The following CLDN14 variants were observed in gnomAD, a reference collection of about 807,000 sequenced individuals.
The protein encoded by CLDN14 is claudin-14.
In CLDN14, 2 loss-of-function variants were observed where a neutral mutation model predicts 2.1. That is an observed-to-expected ratio of 0.96 (90% CI 0.39 to 3.01). CLDN14 has a LOEUF of 3.01. Ranked by LOEUF, CLDN14 falls within the 30% of genes most tolerant of loss-of-function variation. CLDN14 has a pLI of 0.09. For missense variants in CLDN14, 298 were observed against 328.0 expected (o/e 0.91, Z 0.71); for synonymous variants, 136 against 154.4 (o/e 0.88, Z 0.88).
At chr21:36,489,131 A>AAATATATATATATATATATAT in intron 2 of CLDN14, among the ~76,000 whole-genome samples, 5 of 62,750 alleles carry the variant, frequency 8.0e-5, no homozygotes, top group African/African-American at 1.2e-4. Context: ...AAAAAAAAAA[A>AAATATATATATATATATATAT]ATATATATAT....
At chr21:36,513,512 G>C (rs1381750969) in intron 1 of CLDN14, among the ~76,000 whole-genome samples, 1 of 152,186 alleles carries the variant, frequency 6.6e-6, no homozygotes, top group Non-Finnish European at 1.5e-5. Context: ...TTTTGTTAAA[G>C]CCAGCTGAGG....
intron 1 of CLDN14, among the ~76,000 whole-genome samples, chr21:36,478,923 TCTC>T (rs1003862321): frequency 6.6e-6 from 1 of 152,114 alleles, no homozygotes; most frequent in Non-Finnish European, 1.5e-5. Context: ...GCATGGCATT[TCTC>T]CTCTTCAGCA....
In CLDN14 at chr21:36,562,697, C is replaced by CT. The variant is rs3030097; in HGVS notation, c.-220+13713dup. On this transcript the variant is annotated intron_variant, in intron 1 of 2. Coordinates refer to the CLDN14 transcript ENST00000342108. ...CAAAGGATCCCCTATCCATTCTGTG[C>CT]TTTTTTTTTTTTTTCATGAGCAAAT... Among the ~76,000 whole-genome samples, 429 of 147,388 alleles carry CT rather than the reference C, an allele frequency of 2.9e-3. 2 individuals carry two copies. The highest frequency in any genetic ancestry group is 9.7e-3 in the African/African-American group (385 of 39,894).
At chr21:36,493,990 A>G (rs1025969055) in intron 2 of CLDN14, among the ~76,000 whole-genome samples, 2 of 152,110 alleles carry the variant, frequency 1.3e-5, no homozygotes, top group East Asian at 1.9e-4. Flanking sequence ...ATCCCACTAG[A>G]TCTTGGGGGG....
chr21:36,554,035 C>G (rs1397634988), intron 1 of CLDN14, among the ~76,000 whole-genome samples: 1 of 152,136 alleles, frequency 6.6e-6, no homozygotes, highest in East Asian at 1.9e-4. Context: ...AAGCCCGGGT[C>G]TGGGGGTAAC....
rs187243864 is a variant in CLDN14 at position 36,499,192 on chromosome 21, G to A, written c.-82+11171C>T. Among the ~76,000 whole-genome samples the A allele has an allele frequency of 2.0e-5, 3 of 152,346 alleles. No homozygotes were observed. Among genetic ancestry groups the A allele is most frequent in the Admixed American group, 2.0e-4 (3 of 15,300 alleles). On this transcript the variant is annotated intron_variant, in intron 2 of 2. Transcript: ENST00000342108. This position sits in a 1 kb window ranked among gnomAD's most constrained non-coding sequence, Gnocchi z 4.7. ...TGTGGGGGCAATGAACCCCGCAACT[G>A]CGGGAAACTGACCTTCAGCACTTTG... is the stretch of plus-strand genomic sequence containing the variant.
intron 1 of CLDN14, among the ~76,000 whole-genome samples, chr21:36,473,348 A>C (rs1043952957): frequency 2.6e-5 from 4 of 152,216 alleles, no homozygotes; most frequent in Non-Finnish European, 5.9e-5. Flanking sequence ...TGGCCTCCCA[A>C]GGCTGTTGGA....
chr21:36,530,350 T>C (rs1162476942), intron 1 of CLDN14, among the ~76,000 whole-genome samples: 1 of 152,184 alleles, frequency 6.6e-6, no homozygotes, highest in Non-Finnish European at 1.5e-5. Flanking sequence ...TGCACAGAGA[T>C]CCGGGCCACA....
At chr21:36,486,938 G>T in intron 2 of CLDN14, 1 of 552,116 alleles carries the variant, frequency 1.8e-6, no homozygotes, top group African/African-American at 1.9e-5. Context: ...TCATTAGCCA[G>T]TGTGATGAGG....
intron 1 of CLDN14, among the ~76,000 whole-genome samples, chr21:36,515,230 A>G (rs527722751): frequency 3.3e-5 from 5 of 152,228 alleles, no homozygotes; most frequent in Non-Finnish European, 7.3e-5. Flanking sequence ...GAGTGAACGC[A>G]GAGACTCAAA....
At chr21:36,555,830 T>C (rs539833678) in intron 1 of CLDN14, among the ~76,000 whole-genome samples, 1 of 149,788 alleles carries the variant, frequency 6.7e-6, no homozygotes, top group South Asian at 2.1e-4. Context: ...TGTGTGTGTG[T>C]GTGTGTGTGT....
intron 1 of CLDN14, among the ~76,000 whole-genome samples, chr21:36,558,517 A>G (rs2087613517): frequency 6.6e-6 from 1 of 152,112 alleles, no homozygotes; most frequent in Non-Finnish European, 1.5e-5. Context: ...AGTTAAGTTT[A>G]TTCCTTTGTG....
chr21:36,555,850 T>TGAGA (rs373539349), intron 1 of CLDN14, among the ~76,000 whole-genome samples: 13 of 140,654 alleles, frequency 9.2e-5, no homozygotes, highest in South Asian at 2.3e-4. Flanking sequence ...TGTGTGTGTG[T>TGAGA]GAGAGAGAGA....
chr21:36,494,854 C>T (rs923420072), intron 2 of CLDN14, among the ~76,000 whole-genome samples: 5 of 152,222 alleles, frequency 3.3e-5, no homozygotes, highest in African/African-American at 7.2e-5. Flanking sequence ...TTTGTTACAA[C>T]ATTCTTGGCA....
intron 2 of CLDN14, chr21:36,486,548 C>A: frequency 6.4e-7 from 1 of 1,559,914 alleles, no homozygotes; most frequent in Middle Eastern, 1.7e-4. Context: ...AATCGGAGAA[C>A]TGATGAGAGC....
chr21:36,464,195 G>A (rs188912231), intron 1 of CLDN14, among the ~76,000 whole-genome samples: 50 of 152,114 alleles, frequency 3.3e-4, no homozygotes, highest in African/African-American at 9.2e-4. Flanking sequence ...CTCCTTCTCC[G>A]GCCGTGTCAT....
At chr21:36,554,729 C>A (rs965151008) in intron 1 of CLDN14, among the ~76,000 whole-genome samples, 1 of 152,122 alleles carries the variant, frequency 6.6e-6, no homozygotes, top group Admixed American at 6.5e-5. Context: ...TACCGCCCCA[C>A]CACCCGTTGA....
rs113486834 is a variant in CLDN14, at chr21:36,554,060, G to A, written c.-220+22351C>T. Among the ~76,000 whole-genome samples, 1,171 of 152,180 alleles carry A rather than the reference G, an allele frequency of 7.7e-3. 9 individuals carry two copies. The highest frequency in any genetic ancestry group is 0.013 in the Non-Finnish European group (866 of 68,010). ...CTGGGGGTAACAGTGGGACATCTAC[G>A]TGCCTTGCCCCTGCCCAAGTCCATG... On this transcript the variant is annotated intron_variant, in intron 1 of 2. Coordinates refer to the CLDN14 transcript ENST00000342108.
intron 1 of CLDN14, among the ~76,000 whole-genome samples, chr21:36,566,980 A>G (rs1465421869): frequency 6.6e-6 from 1 of 152,220 alleles, no homozygotes; most frequent in African/African-American, 2.4e-5. Context: ...GGGAGTGTCA[A>G]GTTTGGGATA....
Sources: gnomAD v4.1 joint callset for allele counts (sites outside exome capture counted in the v4.1 genomes callset) on GRCh38, gnomAD v4.1.1 for gene constraint, Gnocchi (gnomAD v3.1) non-coding constraint, MANE v1.5 for transcripts, NCBI Gene and HGNC (gene_info 2026-07-23, HGNC 2026-07-21) for gene names.